The following ZMAT4 variants were observed in gnomAD, a reference collection of about 807,000 sequenced individuals.
ZMAT4 encodes the protein zinc finger matrin-type 4, also known as zinc finger matrin-type protein 4.
A neutral mutation model predicts 28.7 loss-of-function variants in ZMAT4; 17 were observed. That is an observed-to-expected ratio of 0.59 (90% confidence interval 0.41 to 0.89). ZMAT4 has a LOEUF of 0.89. Ranked by LOEUF, ZMAT4 falls within the 40% of genes least tolerant of loss-of-function variation. ZMAT4 has a pLI of 0.00. For synonymous variants in ZMAT4, 117 were observed against 109.2 expected (o/e 1.07, Z -0.44); for missense variants, 240 against 283.8 (o/e 0.85, Z 1.11).
intron 5 of ZMAT4, among the ~76,000 whole-genome samples, chr8:40,627,724 G>A (rs979838403): frequency 2.0e-5 from 3 of 152,258 alleles, no homozygotes; most frequent in Admixed American, 2.0e-4. Flanking sequence ...TAAATCCATT[G>A]AGAGAAGTAT....
chr8:40,756,884 C>T (rs1812721364), intron 3 of ZMAT4, among the ~76,000 whole-genome samples: 1 of 152,130 alleles, frequency 6.6e-6, no homozygotes, highest in Admixed American at 6.5e-5. Context: ...TAGCACTGAG[C>T]TCACGGCCAG....
At chr8:40,556,555 T>A (rs1055486700) in intron 6 of ZMAT4, among the ~76,000 whole-genome samples, 1 of 152,152 alleles carries the variant, frequency 6.6e-6, no homozygotes, top group Non-Finnish European at 1.5e-5. Flanking sequence ...CTCTCCTGAG[T>A]AAGAAGCACA....
chr8:40,777,677 G>A (rs1408290064), intron 2 of ZMAT4, among the ~76,000 whole-genome samples: 6 of 152,194 alleles, frequency 3.9e-5, no homozygotes, highest in Admixed American at 6.5e-5. Context: ...ACATGTGAAT[G>A]GATAGCCACT....
Position 40,532,143 on chromosome 8 carries a change from C to A in ZMAT4, c.*80G>T. On this transcript the variant is annotated 3_prime_UTR_variant, in exon 7 of 7. Transcript: ENST00000297737. ...AATGTTTATTGTTCAAGAAAGAAGC[C>A]TCCTCTGGTGGTTGATAAGCAATTC... is the stretch of plus-strand genomic sequence containing the variant. 1 of 1,359,944 alleles carries A rather than the reference C, an allele frequency of 7.4e-7. No individual in the cohort carries two copies. The allele number at this position is 1,359,944 out of a possible 1,614,324, so 84.2% of individuals were successfully genotyped here.
intron 4 of ZMAT4, among the ~76,000 whole-genome samples, chr8:40,691,905 T>C (rs962246010): frequency 3.9e-5 from 6 of 152,170 alleles, no homozygotes; most frequent in Non-Finnish European, 7.4e-5. Context: ...ATTTGGTATA[T>C]CACCTATTTT....
intron 3 of ZMAT4, among the ~76,000 whole-genome samples, chr8:40,725,489 T>C (rs953783767): frequency 6.6e-6 from 1 of 152,192 alleles, no homozygotes; most frequent in Non-Finnish European, 1.5e-5. Flanking sequence ...CATGTATACT[T>C]CTGTTTGGAA....
intron 2 of ZMAT4, chr8:40,786,835 C>T (rs1814108433): frequency 3.4e-6 from 3 of 883,464 alleles, no homozygotes; most frequent in Non-Finnish European, 4.8e-6. Context: ...ATTGGGATTG[C>T]ATTTCACTGA....
chr8:40,826,418 G>A (rs1816044849), intron 1 of ZMAT4, among the ~76,000 whole-genome samples: 2 of 151,972 alleles, frequency 1.3e-5, no homozygotes, highest in African/African-American at 2.4e-5. Flanking sequence ...AATTTTAATA[G>A]CACTTATCTT....
At chr8:40,743,387 G>C (rs1440435309) in intron 3 of ZMAT4, among the ~76,000 whole-genome samples, 6 of 152,198 alleles carry the variant, frequency 3.9e-5, no homozygotes, top group Non-Finnish European at 8.8e-5. Flanking sequence ...AGGAGCCCCA[G>C]ACAGCGGATT....
intron 1 of ZMAT4, among the ~76,000 whole-genome samples, chr8:40,841,133 G>A (rs556596972): frequency 6.6e-6 from 1 of 152,188 alleles, no homozygotes. Flanking sequence ...AACGTCATTC[G>A]ATCTGCAGCA....
At chr8:40,551,145 G>A (rs967523570) in intron 6 of ZMAT4, among the ~76,000 whole-genome samples, 1 of 152,044 alleles carries the variant, frequency 6.6e-6, no homozygotes, top group African/African-American at 2.4e-5. Context: ...TTAGTGACTA[G>A]GAAAGTACTT....
intron 2 of ZMAT4, among the ~76,000 whole-genome samples, chr8:40,788,747 C>T (rs147844729): frequency 6.8e-6 from 1 of 147,218 alleles, no homozygotes; most frequent in East Asian, 2.0e-4. Flanking sequence ...ATTCTGATAT[C>T]AAAAACAAGG....
intron 2 of ZMAT4, among the ~76,000 whole-genome samples, chr8:40,813,549 T>G (rs1000324455): frequency 6.6e-6 from 1 of 152,196 alleles, no homozygotes; most frequent in African/African-American, 2.4e-5. Context: ...AACCTTTCCA[T>G]GAAGTGGGAA....
At chr8:40,714,917 C>T (rs1324034856) in intron 3 of ZMAT4, among the ~76,000 whole-genome samples, 3 of 151,762 alleles carry the variant, frequency 2.0e-5, no homozygotes, top group Non-Finnish European at 2.9e-5. Flanking sequence ...GGCGTGGTGG[C>T]ACGCACCTGC....
At chr8:40,597,506 T>TAAA (rs941703330) in intron 5 of ZMAT4, among the ~76,000 whole-genome samples, 1 of 152,206 alleles carries the variant, frequency 6.6e-6, no homozygotes, top group African/African-American at 2.4e-5. Context: ...GTCACCTTTG[T>TAAA]GAAGCCTTTC....
chr8:40,551,999 T>G (rs1418786418), intron 6 of ZMAT4, among the ~76,000 whole-genome samples: 1 of 152,160 alleles, frequency 6.6e-6, no homozygotes, highest in East Asian at 1.9e-4. Flanking sequence ...GAACTGTGTC[T>G]GACACAAAAT....
chr8:40,674,726 G>A lies in ZMAT4; in HGVS notation c.555C>T (p.Thr185=), dbSNP rs1808834611. The change falls in exon 5 of 7, where the codon ACC becomes ACT. Residue 185 remains threonine, a synonymous_variant. Transcript: ENST00000297737. The part of the protein sequence containing the change: ...RVALLEQLGT[T]LDMGELRGLR... ...TACCTCTCAGTTCCCCCATATCCAGGGTTGTCCCCAGTTGTTCTAACAAAG... is the reference window on the plus strand; with the variant it reads ...TACCTCTCAGTTCCCCCATATCCAGAGTTGTCCCCAGTTGTTCTAACAAAG... The A allele has an allele frequency of 1.2e-6, 2 of 1,613,802 alleles. No individual in the cohort carries two copies. The highest frequency in any genetic ancestry group is 1.7e-4 in the Middle Eastern group (1 of 6,056).
At chr8:40,881,114 T>C (rs1246388886) in intron 1 of ZMAT4, among the ~76,000 whole-genome samples, 3 of 152,172 alleles carry the variant, frequency 2.0e-5, no homozygotes, top group Non-Finnish European at 4.4e-5. Context: ...TGGTTGCTGA[T>C]GCACTGTAAT....
At chr8:40,682,770 C>T (rs865987171) in intron 4 of ZMAT4, among the ~76,000 whole-genome samples, 6 of 152,176 alleles carry the variant, frequency 3.9e-5, no homozygotes, top group South Asian at 2.1e-4. Context: ...TATCGTCAGT[C>T]TTCGTTAAGA....
Sources: allele counts gnomAD v4.1 joint callset (sites outside exome capture counted in the v4.1 genomes callset), GRCh38; gene constraint gnomAD v4.1.1; transcripts MANE v1.5; gene names NCBI Gene and HGNC (gene_info 2026-07-23, HGNC 2026-07-21).